Variants in WDR17 observed in about 807,000 individuals in gnomAD.
WDR17 encodes the protein WD repeat domain 17, also known as WD repeat-containing protein 17.
A neutral mutation model predicts 161.7 loss-of-function variants in WDR17; 143 were observed. The ratio of observed to expected loss-of-function variants is 0.88; its 90% CI spans 0.77 to 1.02. The LOEUF (loss-of-function observed/expected upper bound fraction) is 1.02. WDR17 is among the 50% of genes least tolerant of loss of function. WDR17 has a pLI of 0.00. For synonymous variants in WDR17, 517 were observed against 515.6 expected (o/e 1.00, Z -0.04); for missense variants, 1,469 against 1,520.9 (o/e 0.97, Z 0.57).
chr4:176,142,087 C>G lies in WDR17; in HGVS notation c.1529+18C>G, dbSNP rs2126790502. On this transcript the variant is annotated intron_variant, in intron 11 of 28. Transcript: ENST00000508596. ...AACAATAAGTAAGTGGTTTTTTTTCCTGAAATAAATAATAACTACATTTTG... is the reference window on the plus strand; with the variant it reads ...AACAATAAGTAAGTGGTTTTTTTTCGTGAAATAAATAATAACTACATTTTG... 1 of 1,592,108 alleles carries G rather than the reference C, an allele frequency of 6.3e-7. No homozygotes were observed. Among genetic ancestry groups the G allele is most frequent in the South Asian group, 1.1e-5 (1 of 88,188 alleles).
intron 16 of WDR17, among the ~76,000 whole-genome samples, chr4:176,151,113 TG>T (rs141015899): frequency 0.02 from 3,071 of 152,292 alleles, 108 homozygotes; most frequent in African/African-American, 0.07. Flanking sequence ...GAGACAGTTG[TG>T]CCAGAGATGT....
intron 1 of WDR17, among the ~76,000 whole-genome samples, chr4:176,110,243 T>G (rs6419995): frequency 0.62 from 93,920 of 151,880 alleles, 29,298 homozygotes; most frequent in South Asian, 0.64. Context: ...CCAGGTTCAC[T>G]CCATTCTCCT....
chr4:176,137,758 A>G, intron 9 of WDR17, 147 bp downstream of exon 9: 1 of 433,790 alleles, frequency 2.3e-6, no homozygotes, highest in African/African-American at 2.1e-5. Context: ...CCTAGAGAAT[A>G]CTCACATACT....
intron 18 of WDR17, 82 bp from the exon 19 acceptor site, chr4:176,159,912 A>T (rs780831663): frequency 8.3e-5 from 110 of 1,322,050 alleles, no homozygotes; most frequent in Non-Finnish European, 1.1e-4. Flanking sequence ...TACAAATTTT[A>T]GCCATACTTT....
chr4:176,133,765 T>C (rs1273715963), intron 7 of WDR17, among the ~76,000 whole-genome samples: 1 of 151,596 alleles, frequency 6.6e-6, no homozygotes, highest in African/African-American at 2.4e-5. Context: ...TAATATTTTT[T>C]AAAATCTTAC....
chr4:176,144,253 A>G (rs1401068842), intron 11 of WDR17, among the ~76,000 whole-genome samples: 1 of 152,230 alleles, frequency 6.6e-6, no homozygotes, highest in Non-Finnish European at 1.5e-5. Context: ...AGTTTCCCAT[A>G]TAATATGCCT....
At chr4:176,129,427 C>A (rs999026704) in intron 6 of WDR17, among the ~76,000 whole-genome samples, 1 of 151,884 alleles carries the variant, frequency 6.6e-6, no homozygotes, top group Admixed American at 6.6e-5. Flanking sequence ...ATAAAATACA[C>A]TTAATTTATA....
intron 12 of WDR17, among the ~76,000 whole-genome samples, chr4:176,147,716 GGCACATTGT>G: frequency 6.6e-6 from 1 of 151,820 alleles, no homozygotes; most frequent in East Asian, 1.9e-4. Flanking sequence ...GTAACTAACC[GGCACATTGT>G]GCACATGTAC....
At chr4:176,135,787 A>G (rs1457212281) in intron 8 of WDR17, among the ~76,000 whole-genome samples, 1 of 151,570 alleles carries the variant, frequency 6.6e-6, no homozygotes, top group Non-Finnish European at 1.5e-5. Flanking sequence ...GAGATGTCCT[A>G]TGAAACCTCT....
chr4:176,135,215 A>G lies in WDR17; in HGVS notation c.1206A>G (p.Leu402=), dbSNP rs1327466132. Residue 402 remains leucine (L), a synonymous_variant, in exon 8 of 29, where the codon TTA becomes TTG. Transcript: ENST00000508596. ...GTIKVWDINT[L]TAVYTSPGNE... Reference sequence around the variant, plus strand: ...TAAAAGTCTGGGATATAAACACATTAACAGCAGTGTACACATCCCCGGGTA... The same window carrying G: ...TAAAAGTCTGGGATATAAACACATTGACAGCAGTGTACACATCCCCGGGTA... 1 of 1,612,318 alleles carries G rather than the reference A, an allele frequency of 6.2e-7. No individual in the cohort carries two copies. The highest frequency in any genetic ancestry group is 8.5e-7 in the Non-Finnish European group (1 of 1,178,724).
intron 11 of WDR17, among the ~76,000 whole-genome samples, chr4:176,144,345 C>G (rs1745818033): frequency 6.6e-6 from 1 of 152,010 alleles, no homozygotes. Flanking sequence ...AAATGTAAGC[C>G]CTATGAGATC....
chr4:176,151,294 G>A (rs1747064510), intron 16 of WDR17, among the ~76,000 whole-genome samples: 1 of 152,092 alleles, frequency 6.6e-6, no homozygotes, highest in Non-Finnish European at 1.5e-5. Flanking sequence ...CTGTACTGTT[G>A]TATATTACTT....
Position 176,182,624 on chromosome 4 carries a change from T to C in WDR17, c.*3045T>C, listed in dbSNP as rs1752271336. ...ATATCAGTAATATAGAAGACATCTT[T>C]ATAGTCAACTCTTAATTAATGCTTA... On this transcript the variant is annotated 3_prime_UTR_variant, in exon 29 of 29. Coordinates refer to ENST00000508596, the MANE Select transcript of WDR17 (RefSeq NM_181265.4). The surrounding 1 kb of genome is among the most constrained non-coding windows in gnomAD (Gnocchi z 4.2). 6.6e-6 allele frequency: 1 copy of C among 152,122 alleles called. No individual in the cohort carries two copies. Among genetic ancestry groups the C allele is most frequent in the Non-Finnish European group, 1.5e-5 (1 of 68,006 alleles). The allele number at this position is 152,122 out of a possible 1,614,324, so 9.4% of individuals were successfully genotyped here. A position where few individuals can be genotyped will look rare whatever the true frequency, so the allele number is the denominator to read the frequency against.
At chr4:176,101,291 A>T (rs1297801941) in intron 1 of WDR17, among the ~76,000 whole-genome samples, 2 of 152,184 alleles carry the variant, frequency 1.3e-5, no homozygotes, top group Non-Finnish European at 2.9e-5. Context: ...CGTGACTGAG[A>T]CCTAATCATA....
intron 28 of WDR17, among the ~76,000 whole-genome samples, chr4:176,178,191 T>C (rs1751748182): frequency 6.6e-6 from 1 of 152,084 alleles, no homozygotes; most frequent in Admixed American, 6.5e-5. Flanking sequence ...TGGATACTGA[T>C]GTAAACCTTA....
rs10461317 is a variant in WDR17, at chr4:176,165,519, T to G, written c.2990+2226T>G. The stretch of plus-strand genomic sequence containing the variant: ...CAAAACTTAACTACTAATAGCCTAC[T>G]CTTGACTGGAAGCCTTACTGATAAC... On this transcript the variant is annotated intron_variant, in intron 22 of 28. Transcript: ENST00000508596. Among the ~76,000 whole-genome samples, 250 of 152,328 alleles carry G rather than the reference T, an allele frequency of 1.6e-3. 2 individuals are homozygous for G. The East Asian group carries it at 0.04, about 24-fold the overall frequency.
chr4:176,151,426 A>G (rs1313177067), intron 16 of WDR17, among the ~76,000 whole-genome samples: 1 of 152,182 alleles, frequency 6.6e-6, no homozygotes, highest in Non-Finnish European at 1.5e-5. Flanking sequence ...TTATGTTTAG[A>G]AACGTATCAC....
intron 7 of WDR17, among the ~76,000 whole-genome samples, chr4:176,134,762 T>C (rs775906468): frequency 3.2e-4 from 48 of 151,764 alleles, no homozygotes; most frequent in Admixed American, 8.5e-4. Context: ...TTAATTGCTT[T>C]ATAGATTTCT....
At chr4:176,177,016 A>G (rs755870666) in intron 26 of WDR17, 42 bp from the exon 27 acceptor site, 1 of 1,395,980 alleles carries the variant, frequency 7.2e-7, no homozygotes, top group Non-Finnish European at 1.0e-6. Flanking sequence ...CTGATATCTT[A>G]GTTTTTGGTA....
Sources: gnomAD v4.1 joint callset for allele counts (sites outside exome capture counted in the v4.1 genomes callset) on GRCh38, gnomAD v4.1.1 for gene constraint, Gnocchi (gnomAD v3.1) non-coding constraint, MANE v1.5 for transcripts, NCBI Gene and HGNC (gene_info 2026-07-23, HGNC 2026-07-21) for gene names.